STAB2: variants seen among roughly 807,000 people sequenced by gnomAD.
STAB2 encodes the protein stabilin-2.
STAB2 carries 288 observed loss-of-function variants against 338.1 expected under a neutral mutation model. The observed-to-expected ratio is 0.85, with a 90% CI of 0.77 to 0.94. STAB2 has a LOEUF of 0.94. Among genes scored for constraint, STAB2 ranks in the 40% least tolerant of loss-of-function variants. STAB2 has a pLI of 0.00. For synonymous variants in STAB2, 1,202 were observed against 1,193.3 expected (o/e 1.01, Z -0.15); for missense variants, 3,141 against 3,210.1 (o/e 0.98, Z 0.52).
intron 25 of STAB2, among the ~76,000 whole-genome samples, chr12:103,682,176 G>C (rs944797647): frequency 6.6e-6 from 1 of 151,942 alleles, no homozygotes; most frequent in Non-Finnish European, 1.5e-5. Flanking sequence ...GATGGGAAAA[G>C]AGGGGGGTCT....
intron 3 of STAB2, among the ~76,000 whole-genome samples, chr12:103,619,759 C>A (rs772076151): frequency 6.6e-6 from 1 of 151,306 alleles, no homozygotes; most frequent in Non-Finnish European, 1.5e-5. Context: ...GCCCCCCGCC[C>A]CCGCCACCCC....
intron 5 of STAB2, among the ~76,000 whole-genome samples, chr12:103,629,944 G>A (rs908007353): frequency 6.6e-6 from 1 of 152,168 alleles, no homozygotes; most frequent in Non-Finnish European, 1.5e-5. Context: ...CATCCCACAT[G>A]CTAAGAATCT....
intron 22 of STAB2, among the ~76,000 whole-genome samples, chr12:103,672,379 G>A (rs998665394): frequency 3.3e-5 from 5 of 152,358 alleles, no homozygotes; most frequent in Non-Finnish European, 7.3e-5. Flanking sequence ...AGGACACCAA[G>A]GCTGGGATGG....
At chr12:103,743,804 A>G (rs1882781912) in intron 56 of STAB2, among the ~76,000 whole-genome samples, 1 of 152,220 alleles carries the variant, frequency 6.6e-6, no homozygotes, top group South Asian at 2.1e-4. Context: ...GTGTGTACAG[A>G]ACAGCAAGAA....
intron 45 of STAB2, among the ~76,000 whole-genome samples, chr12:103,725,778 A>G (rs1004653849): frequency 6.6e-6 from 1 of 152,242 alleles, no homozygotes; most frequent in African/African-American, 2.4e-5. Flanking sequence ...GGCTGATCAA[A>G]TATTGTTACT....
At chr12:103,685,519 G>A (rs766148440) in intron 27 of STAB2, among the ~76,000 whole-genome samples, 31 of 151,926 alleles carry the variant, frequency 2.0e-4, no homozygotes, top group African/African-American at 5.6e-4. Flanking sequence ...TATGCCAGGC[G>A]TCTTGCTCAG....
At chr12:103,663,619 A>AT (rs1874816446) in intron 18 of STAB2, among the ~76,000 whole-genome samples, 1 of 152,122 alleles carries the variant, frequency 6.6e-6, no homozygotes. Context: ...AAGTGCTGGG[A>AT]TTACAGGCCT....
chr12:103,742,345 G>T, intron 55 of STAB2, 60 bp from the exon 56 acceptor site: 1 of 1,575,794 alleles, frequency 6.3e-7, no homozygotes, highest in Non-Finnish European at 8.6e-7. Flanking sequence ...CATTTACAAA[G>T]GTGCTGAGCT....
At chr12:103,691,584 T>A (rs1377312638) in intron 30 of STAB2, among the ~76,000 whole-genome samples, 1 of 152,214 alleles carries the variant, frequency 6.6e-6, no homozygotes, top group Non-Finnish European at 1.5e-5. Context: ...TTTATTGGTG[T>A]TTTAAATCAT....
intron 3 of STAB2, among the ~76,000 whole-genome samples, chr12:103,604,193 A>T (rs962392325): frequency 2.0e-5 from 3 of 152,168 alleles, no homozygotes; most frequent in Non-Finnish European, 4.4e-5. Flanking sequence ...CATTCATTTT[A>T]TGTCATTTTT....
At chr12:103,762,158 T>C in intron 66 of STAB2, 116 bp from the exon 67 acceptor site, 2 of 1,419,554 alleles carry the variant, frequency 1.4e-6, no homozygotes, top group Non-Finnish European at 9.6e-7. Flanking sequence ...AGATACATGT[T>C]AACATGTCAG....
At chr12:103,598,134 A>G (rs1247305573) in intron 3 of STAB2, among the ~76,000 whole-genome samples, 1 of 152,176 alleles carries the variant, frequency 6.6e-6, no homozygotes, top group Admixed American at 6.6e-5. Context: ...TCACTTAAAG[A>G]ACATATTTCA....
intron 3 of STAB2, among the ~76,000 whole-genome samples, chr12:103,602,904 A>T (rs1372913456): frequency 1.3e-5 from 2 of 152,180 alleles, no homozygotes; most frequent in Non-Finnish European, 2.9e-5. Context: ...GATGAGGTTC[A>T]AATGTATCAT....
chr12:103,673,895 C>T lies in STAB2; in HGVS notation c.2372-12C>T, dbSNP rs750534172. On this transcript the variant is annotated splice_polypyrimidine_tract_variant and intron_variant, in intron 22 of 68. Coordinates refer to ENST00000388887, the MANE Select transcript of STAB2 (RefSeq NM_017564.10). ...AAGGCCTGGACGGATGTCCCTCCTC[C>T]TCCTCTTTCAGAATGCCTGTGCGTT... is the stretch of plus-strand genomic sequence containing the variant. 6.2e-7 allele frequency: 1 copy of T among 1,605,762 alleles called. No individual in the cohort carries two copies.
chr12:103,591,132 A>C, intron 2 of STAB2, 102 bp downstream of exon 2: 1 of 1,501,004 alleles, frequency 6.7e-7, no homozygotes, highest in South Asian at 1.2e-5. Flanking sequence ...TTGCTCTAAG[A>C]CAATAAGCCC....
chr12:103,690,874 A>G (rs973825659), intron 30 of STAB2, among the ~76,000 whole-genome samples: 11 of 152,242 alleles, frequency 7.2e-5, no homozygotes, highest in Non-Finnish European at 1.5e-5. Flanking sequence ...AGACCTGGTT[A>G]TTAGTAATTG....
intron 54 of STAB2, among the ~76,000 whole-genome samples, 180 bp from the exon 55 acceptor site, chr12:103,740,450 C>T (rs941522855): frequency 3.3e-5 from 5 of 152,164 alleles, no homozygotes; most frequent in East Asian, 1.9e-4. Context: ...CCCCTATCTG[C>T]GTGTTTCTGT....
chr12:103,687,577 A>G (rs1593236338), intron 27 of STAB2, among the ~76,000 whole-genome samples: 1 of 152,194 alleles, frequency 6.6e-6, no homozygotes, highest in East Asian at 1.9e-4. Flanking sequence ...ATAGGGGCTA[A>G]AACTTACTGA....
chr12:103,662,859 C>A lies in STAB2; in HGVS notation c.1883C>A (p.Ala628Glu). The change falls in exon 18 of 69, where the codon GCA (alanine) becomes GAA (glutamate). Residue 628 changes from alanine (A) to glutamate (E), a missense_variant. Physicochemically the swap from Ala to Glu is moderately radical, Grantham distance 107 (BLOSUM62 -1). Transcript: ENST00000388887. ...FNTTDNGQIL[A>E]NDVAMEEIEI... ...TTTTCTTTCCAGGGACAGATTCTGGCAAATGATGTGGCAATGGAAGAAATT... is the reference window on the plus strand; with the variant it reads ...TTTTCTTTCCAGGGACAGATTCTGGAAAATGATGTGGCAATGGAAGAAATT... 1.9e-6 allele frequency: 3 copies of A among 1,614,108 alleles called. No individual in the cohort carries two copies. The highest frequency in any genetic ancestry group is 2.5e-6 in the Non-Finnish European group (3 of 1,180,010).
Sources: gnomAD v4.1 joint callset for allele counts (sites outside exome capture counted in the v4.1 genomes callset) on GRCh38, gnomAD v4.1.1 for gene constraint, MANE v1.5 for transcripts, NCBI Gene and HGNC (gene_info 2026-07-23, HGNC 2026-07-21) for gene names.